Variants in HERC2 observed in about 807,000 individuals in gnomAD.
HERC2 encodes E3 ubiquitin-protein ligase HERC2.
HERC2 carries 102 observed loss-of-function variants against 537.7 expected under a neutral mutation model. The observed-to-expected ratio is 0.19, with a 90% confidence interval of 0.16 to 0.22. HERC2 has a LOEUF of 0.22. Among genes scored for constraint, HERC2 ranks in the 10% least tolerant of loss-of-function variants. The pLI is 1.00. For synonymous variants in HERC2, 2,224 were observed against 2,466.2 expected (o/e 0.90, Z 2.91); for missense variants, 4,236 against 6,198.2 (o/e 0.68, Z 10.63).
At position 28,152,703 on chromosome 15, in the gene HERC2, G is replaced by T. The variant is rs1414229797; in HGVS notation, c.10874C>A (p.Ser3625Tyr). 1 of 1,551,018 alleles carries T rather than the reference G, an allele frequency of 6.4e-7. No individual in the cohort carries two copies. The highest frequency in any genetic ancestry group is 2.0e-5 in the Admixed American group (1 of 51,102). ...TGGTATCTTCACTGTGCCACTGGTG[G>T]AGGTGTCGTCGGTGTAAGGGTGGCT... is the stretch of plus-strand genomic sequence containing the variant. ...ESSHPYTDDT[S>Y]TSGTVKIPGA... The change falls in exon 70 of 93, where the codon TCC (serine) becomes TAC (tyrosine). Residue 3625 changes from serine to tyrosine, a missense_variant. By Grantham distance (144) the Ser-to-Tyr change is moderately radical. Transcript: ENST00000261609.
chr15:28,151,962 C>T (rs1269756143), intron 70 of HERC2, among the ~76,000 whole-genome samples: 1 of 152,208 alleles, frequency 6.6e-6, no homozygotes, highest in Non-Finnish European at 1.5e-5. Flanking sequence ...AATGATTCCA[C>T]TAGAATAGCA....
At position 28,215,721 on chromosome 15, in the gene HERC2, G is replaced by C. The variant is rs2905939; in HGVS notation, c.6110C>G (p.Pro2037Arg). ...LGFVRSIALTPQVCGALSSPQ... is the reference protein window; with the variant it reads ...LGFVRSIALTRQVCGALSSPQ... ...GGAGCTGAGGGCGCCGCATACCTGCGGCGTGAGAGCGATGCTCCGCACAAA... is the reference window on the plus strand; with the variant it reads ...GGAGCTGAGGGCGCCGCATACCTGCCGCGTGAGAGCGATGCTCCGCACAAA... The change falls in exon 39 of 93, where the codon CCG becomes CGG. Residue 2037 changes from proline (P) to arginine (R), a missense_variant. Around this residue, in one of 27 missense-constraint regions of HERC2, gnomAD observed 365 missense variants for 468.8 expected, o/e 0.78. Coordinates refer to ENST00000261609, the MANE Select transcript of HERC2 (RefSeq NM_004667.6). 1 of 1,611,858 alleles carries C rather than the reference G, an allele frequency of 6.2e-7. No individual in the cohort carries two copies. The highest frequency in any genetic ancestry group is 1.3e-5 in the African/African-American group (1 of 74,872).
rs964690479 is a variant in HERC2, at chr15:28,177,315, T to C, written c.9254+104A>G. The stretch of plus-strand genomic sequence containing the variant: ...TTAAAAAAATTTTGTTTAAGAACCA[T>C]TTCTATAATCTATTCTATTCTAATT... On this transcript the variant is annotated intron_variant, in intron 60 of 92. Coordinates refer to ENST00000261609, the MANE Select transcript of HERC2 (RefSeq NM_004667.6). The surrounding 1 kb of genome is among the most constrained non-coding windows in gnomAD (Gnocchi z 5.0). 30 of 1,345,476 alleles carry C rather than the reference T, an allele frequency of 2.2e-5. No homozygotes were observed. The African/African-American group carries it at 4.3e-4, about 19-fold the overall frequency. 83.3% of individuals were successfully genotyped at this position (1,345,476 alleles called of 1,614,324 possible). A position where few individuals can be genotyped will look rare whatever the true frequency, so the allele number is the denominator to read the frequency against.
At chr15:28,165,754 C>T (rs1051315930) in intron 68 of HERC2, among the ~76,000 whole-genome samples, 2 of 152,098 alleles carry the variant, frequency 1.3e-5, no homozygotes, top group African/African-American at 2.4e-5. Flanking sequence ...GAGCCAAGAT[C>T]GTGCCACTCT....
chr15:28,272,853 A>C (rs749051331), intron 8 of HERC2, 41 bp downstream of exon 8: 1 of 1,333,394 alleles, frequency 7.5e-7, no homozygotes, highest in African/African-American at 1.4e-5. Context: ...TTCCATACAC[A>C]GGCGCTTCCC....
chr15:28,314,492 T>C (rs1229523639), intron 2 of HERC2, among the ~76,000 whole-genome samples: 1 of 151,656 alleles, frequency 6.6e-6, no homozygotes, highest in African/African-American at 2.4e-5. Context: ...TTTCCTTTAA[T>C]TTCCTAAAAA....
chr15:28,158,204 T>A (rs1394656800), intron 69 of HERC2, among the ~76,000 whole-genome samples: 4 of 152,222 alleles, frequency 2.6e-5, no homozygotes, highest in Admixed American at 2.0e-4. Context: ...GAGAAGAATG[T>A]ATATTCTATT....
intron 69 of HERC2, among the ~76,000 whole-genome samples, chr15:28,154,785 CT>C (rs1444022048): frequency 1.3e-5 from 2 of 152,024 alleles, no homozygotes; most frequent in Admixed American, 1.3e-4. Context: ...TTTTATTATA[CT>C]TTAAGTTCTA....
At chr15:28,224,835 A>G (rs61329240) in intron 35 of HERC2, among the ~76,000 whole-genome samples, 1 of 152,152 alleles carries the variant, frequency 6.6e-6, no homozygotes, top group Non-Finnish European at 1.5e-5. Flanking sequence ...TGAGAAATAA[A>G]AAAAAGAAAA....
Position 28,191,076 on chromosome 15 carries a change from G to A in HERC2, c.8558-20C>T. 6.3e-7 allele frequency: 1 copy of A among 1,596,832 alleles called. No individual in the cohort carries two copies. The highest frequency in any genetic ancestry group is 8.6e-7 in the Non-Finnish European group (1 of 1,164,384). ...TTCCACCTAGGAAAAAATGGGTAAA[G>A]AATCAAACAAAGGCGTCTTTATTAT... On this transcript the variant is annotated intron_variant, in intron 54 of 92. Transcript: ENST00000261609.
chr15:28,265,583 G>A lies in HERC2; in HGVS notation c.1870+35C>T, dbSNP rs768057968. 11 of 1,563,500 alleles carry A rather than the reference G, an allele frequency of 7.0e-6. No individual in the cohort carries two copies. The highest frequency in any genetic ancestry group is 5.0e-5 in the Admixed American group (3 of 59,914). ...CAGGGAAGCTGCCATGCGTGTCCTCGTGGGCCTGTCCAGGGTGGCGAGAGC... is the reference window on the plus strand; with the variant it reads ...CAGGGAAGCTGCCATGCGTGTCCTCATGGGCCTGTCCAGGGTGGCGAGAGC... On this transcript the variant is annotated intron_variant, in intron 14 of 92. Coordinates refer to ENST00000261609, the MANE Select transcript of HERC2 (RefSeq NM_004667.6). This position sits in a 1 kb window ranked among gnomAD's most constrained non-coding sequence, Gnocchi z 4.0.
rs1322078649 is a variant in HERC2 at position 28,147,927 on chromosome 15, C to T, written c.10901-1583G>A. Among the ~76,000 whole-genome samples, 3 of 151,788 alleles carry T rather than the reference C, an allele frequency of 2.0e-5. No homozygotes were observed. In the East Asian group the frequency reaches 5.8e-4, roughly 29 times the overall value. ...CAGCACAAGCCTGTAGTCCTAGCTT[C>T]TCGGGAGGCTGATGGGGAAGGACGG... On this transcript the variant is annotated intron_variant, in intron 70 of 92. Coordinates refer to ENST00000261609, the MANE Select transcript of HERC2 (RefSeq NM_004667.6).
chr15:28,213,628 A>T, intron 42 of HERC2, 114 bp downstream of exon 42: 2 of 1,553,722 alleles, frequency 1.3e-6, no homozygotes, highest in African/African-American at 1.4e-5. Flanking sequence ...AGCTTCCTGG[A>T]AGGCAAACTT....
At chr15:28,164,100 C>A (rs112162082) in intron 68 of HERC2, among the ~76,000 whole-genome samples, 6 of 152,322 alleles carry the variant, frequency 3.9e-5, no homozygotes, top group African/African-American at 1.4e-4. Flanking sequence ...GCATGGGAAC[C>A]GCTGTGACCC....
At chr15:28,287,085 T>C (rs2076176595) in intron 4 of HERC2, among the ~76,000 whole-genome samples, 1 of 152,158 alleles carries the variant, frequency 6.6e-6, no homozygotes, top group African/African-American at 2.4e-5. Flanking sequence ...TATAATTTTT[T>C]TCATAATAAA....
chr15:28,252,215 G>C (rs1055396256), intron 20 of HERC2, among the ~76,000 whole-genome samples: 1 of 152,126 alleles, frequency 6.6e-6, no homozygotes, highest in African/African-American at 2.4e-5. Flanking sequence ...AGTGTAGCCA[G>C]ACGGGCCAGC....
At chr15:28,266,056 C>T (rs1366296804) in intron 12 of HERC2, 82 bp from the exon 13 acceptor site, 3 of 1,467,030 alleles carry the variant, frequency 2.0e-6, no homozygotes, top group Non-Finnish European at 1.9e-6. Flanking sequence ...AATTCACTAT[C>T]CAAATTTAGA....
At position 28,233,166 on chromosome 15, in the gene HERC2, C is replaced by T. The variant is rs779384057; in HGVS notation, c.4655G>A (p.Arg1552Gln). 1.1e-5 allele frequency: 18 copies of T among 1,611,524 alleles called. No homozygotes were observed. Among genetic ancestry groups the T allele is most frequent in the Non-Finnish European group, 1.4e-5 (16 of 1,179,664 alleles). Residue 1552 changes from arginine to glutamine, a missense_variant, in exon 30 of 93, where the codon CGA (arginine) becomes CAA (glutamine). Physicochemically the swap from Arg to Gln is conservative, Grantham distance 43. This residue lies in a region of HERC2 where 343 missense variants were observed against 417.2 expected (regional missense o/e 0.82). Transcript: ENST00000261609. ...CTTACCTCTCTTTTTCCTTCGTTCT[C>T]GAATTATCTTTTGAGCTATCCTCCT... Reference protein sequence around the residue: ...RWRRIAQKIIRERRKKRVPKK... With the variant: ...RWRRIAQKIIQERRKKRVPKK...
intron 69 of HERC2, among the ~76,000 whole-genome samples, chr15:28,157,042 G>C (rs1893083549): frequency 6.6e-6 from 1 of 152,214 alleles, no homozygotes; most frequent in Admixed American, 6.5e-5. Context: ...TTATATGCTA[G>C]ATTACGTTTA....
Sources: allele counts gnomAD v4.1 joint callset (sites outside exome capture counted in the v4.1 genomes callset), GRCh38; gene constraint gnomAD v4.1.1; regional missense constraint gnomAD v4.1.1; non-coding constraint Gnocchi (gnomAD v3.1); transcripts MANE v1.5; gene names NCBI Gene and HGNC (gene_info 2026-07-23, HGNC 2026-07-21).